The following DPM2 variants were observed in gnomAD, a reference collection of about 807,000 sequenced individuals.
DPM2 encodes the protein dolichyl-phosphate mannosyltransferase subunit 2, regulatory.
DPM2 carries 8 observed loss-of-function variants against 12.1 expected under a neutral mutation model. The ratio of observed to expected loss-of-function variants is 0.66; its 90% CI spans 0.39 to 1.19. The LOEUF is 1.19. Among genes scored for constraint, DPM2 ranks in the 50% most tolerant of loss-of-function variants. The pLI, the probability that DPM2 is intolerant of heterozygous loss-of-function variation, is 0.01. For synonymous variants in DPM2, 38 were observed against 44.7 expected, an observed-to-expected ratio of 0.85 and a Z score of 0.60; for missense variants, 93 against 102.5, an observed-to-expected ratio of 0.91 and a Z score of 0.40.
rs553473071 is a variant in DPM2, at chr9:127,937,848, G to A, written c.-28C>T. 9 of 1,593,818 alleles carry A rather than the reference G, an allele frequency of 5.6e-6. No individual in the cohort carries two copies. The highest frequency in any genetic ancestry group is 1.7e-5 in the Admixed American group (1 of 58,416). ...CCCCGCGCGCTCAGCCACCCGAGCCGCAAGCCACATCCGGTTCCGGGTCCA... is the reference window on the plus strand; with the variant it reads ...CCCCGCGCGCTCAGCCACCCGAGCCACAAGCCACATCCGGTTCCGGGTCCA... On this transcript the variant is annotated 5_prime_UTR_variant, in exon 1 of 4. Transcript: ENST00000314392.
chr9:127,937,278 CG>C (rs934912235), intron 2 of DPM2, 155 bp downstream of exon 2: 1 of 573,436 alleles, frequency 1.7e-6, no homozygotes, highest in African/African-American at 1.9e-5. Flanking sequence ...CTATAAAATG[CG>C]GTACCACTGG....
intron 3 of DPM2, chr9:127,936,005 G>A (rs371591552): frequency 8.3e-6 from 5 of 600,770 alleles, no homozygotes; most frequent in Admixed American, 6.0e-5. Flanking sequence ...GCTGCATTTA[G>A]TGTTTCAGAT....
intron 2 of DPM2, chr9:127,937,152 C>G: frequency 2.8e-6 from 1 of 354,368 alleles, no homozygotes; most frequent in South Asian, 8.7e-5. Flanking sequence ...CAGGCTAACC[C>G]AGAAGGAACA....
chr9:127,937,780 C>A, intron 1 of DPM2, 38 bp downstream of exon 1: 3 of 1,611,632 alleles, frequency 1.9e-6, no homozygotes, highest in Non-Finnish European at 2.5e-6. Context: ...ACCCCACCCC[C>A]AGACGCCCCT....
In DPM2 at chr9:127,935,711, C is replaced by T; in HGVS notation, c.*11G>A. On this transcript the variant is annotated 3_prime_UTR_variant, in exon 4 of 4. Transcript: ENST00000314392. ...AGAGAAGGGGCTGGCAGCCTCATCC[C>T]TGCGGGACCTTCACTGAGCCTTCTT... is the stretch of plus-strand genomic sequence containing the variant. 6.2e-7 allele frequency: 1 copy of T among 1,613,248 alleles called. No homozygotes were observed. The highest frequency in any genetic ancestry group is 8.5e-7 in the Non-Finnish European group (1 of 1,179,316).
rs543197126 is a variant in DPM2, at chr9:127,935,943, C to CTA, written c.197-165_197-164dup. On this transcript the variant is annotated intron_variant, in intron 3 of 3. Coordinates refer to ENST00000314392, the MANE Select transcript of DPM2 (RefSeq NM_003863.4). ...CCTAGTCATTCGTCAAGGCATATGT[C>CTA]TACTCACATTCACTCAACAAACACC... The CTA allele has an allele frequency of 6.9e-4, 452 of 657,168 alleles. 2 individuals are homozygous for CTA. Among genetic ancestry groups the CTA allele is most frequent in the Middle Eastern group, 2.1e-3 (8 of 3,752 alleles). 40.7% of individuals were successfully genotyped at this position (657,168 alleles called of 1,614,324 possible).
chr9:127,935,912 T>C, intron 3 of DPM2, 132 bp from the exon 4 acceptor site: 1 of 791,862 alleles, frequency 1.3e-6, no homozygotes, highest in Non-Finnish European at 2.1e-6. Context: ...GGAACCTGCT[T>C]ATCTCCCTAG....
chr9:127,937,595 C>T, intron 1 of DPM2, 72 bp from the exon 2 acceptor site: 3 of 1,370,746 alleles, frequency 2.2e-6, no homozygotes, highest in South Asian at 2.5e-5. Flanking sequence ...CGGGGCGTCG[C>T]GGCCCGATCA....
In DPM2 at chr9:127,937,430, A is replaced by G. The variant is rs1935369910; in HGVS notation, c.93+4T>C. On this transcript the variant is annotated splice_donor_region_variant and intron_variant, in intron 2 of 3. Transcript: ENST00000314392. Reference sequence around the variant, plus strand: ...GTGAGCAGCGGACGGGGAGAATGACATACCAAGAGAATCACCCAGGCGGTG... The same window carrying G: ...GTGAGCAGCGGACGGGGAGAATGACGTACCAAGAGAATCACCCAGGCGGTG... 4 of 1,611,082 alleles carry G rather than the reference A, an allele frequency of 2.5e-6. No individual in the cohort carries two copies. The highest frequency in any genetic ancestry group is 2.2e-5 in the South Asian group (2 of 90,794).
At position 127,937,764 on chromosome 9, in the gene DPM2, C is replaced by G; in HGVS notation, c.3+54G>C. On this transcript the variant is annotated intron_variant, in intron 1 of 3. Coordinates refer to ENST00000314392, the MANE Select transcript of DPM2 (RefSeq NM_003863.4). ...GCCCATGCCCCAGCTCCTGAGCAGA[C>G]CCGGGACCCCACCCCCAGACGCCCC... 6.2e-6 allele frequency: 10 copies of G among 1,608,818 alleles called. 1 individual carries two copies. In the South Asian group the frequency reaches 1.1e-4, roughly 18 times the overall value.
At position 127,935,651 on chromosome 9, in the gene DPM2, G is replaced by C. The variant is rs1323203710; in HGVS notation, c.*71C>G. 1 of 1,537,020 alleles carries C rather than the reference G, an allele frequency of 6.5e-7. No homozygotes were observed. Among genetic ancestry groups the C allele is most frequent in the African/African-American group, 1.4e-5 (1 of 73,644 alleles). ...CACTGTGCCTGGACAGGTTCTGCAG[G>C]CTCCCCCACTTGGTCCCTGTGCTGG... On this transcript the variant is annotated 3_prime_UTR_variant, in exon 4 of 4. Transcript: ENST00000314392.
Position 127,937,492 on chromosome 9 carries a change from C to T in DPM2, c.35G>A (p.Gly12Asp), listed in dbSNP as rs1224529806. 12 of 1,613,992 alleles carry T rather than the reference C, an allele frequency of 7.4e-6. No individual in the cohort carries two copies. Among genetic ancestry groups the T allele is most frequent in the Non-Finnish European group, 1.0e-5 (12 of 1,179,888 alleles). The change falls in exon 2 of 4, where the codon GGC becomes GAC. Residue 12 changes from glycine (G) to aspartate (D), a missense_variant. By Grantham distance (94) the Gly-to-Asp change is moderately conservative. Transcript: ENST00000314392. ...GATGATCAGGCTAACGGCGACGAGG[C>T]CGAGTCCCACCACCTGGTCTGTCCC... ...ATGTDQVVGL[G>D]LVAVSLIIFT...
intron 2 of DPM2, chr9:127,937,187 G>A (rs761369063): frequency 5.1e-6 from 2 of 391,134 alleles, no homozygotes; most frequent in Non-Finnish European, 9.2e-6. Context: ...GTCAAAGCAA[G>A]CCGGAAACAG....
At position 127,936,617 on chromosome 9, in the gene DPM2, G is replaced by A; in HGVS notation, c.132C>T (p.Phe44=). ...TGGCGACAGCATAGGCTCGGGGCAG[G>A]AAATACTTGTGGATGACATGCTGAC... The part of the protein sequence containing the change: ...IDSQHVIHKY[F]LPRAYAVAIP... The change falls in exon 3 of 4, where the codon TTC becomes TTT. Residue 44 remains phenylalanine, a synonymous_variant. Coordinates refer to ENST00000314392, the MANE Select transcript of DPM2 (RefSeq NM_003863.4). 1 of 1,523,424 alleles carries A rather than the reference G, an allele frequency of 6.6e-7. No individual in the cohort carries two copies. The highest frequency in any genetic ancestry group is 8.8e-7 in the Non-Finnish European group (1 of 1,133,812). 94.4% of individuals were successfully genotyped at this position (1,523,424 alleles called of 1,614,324 possible).
intron 2 of DPM2, 167 bp downstream of exon 2, chr9:127,937,267 T>C: frequency 1.8e-6 from 1 of 557,956 alleles, no homozygotes. Flanking sequence ...AGCTATCTCA[T>C]CTATAAAATG....
chr9:127,936,472 C>T (rs1340134839), intron 3 of DPM2, 81 bp downstream of exon 3: 12 of 1,610,390 alleles, frequency 7.5e-6, no homozygotes, highest in South Asian at 2.2e-5. Flanking sequence ...CTTCCAGCAC[C>T]GCCAAAGTGT....
At chr9:127,936,502 G>T in intron 3 of DPM2, 51 bp downstream of exon 3, 2 of 1,605,996 alleles carry the variant, frequency 1.2e-6, no homozygotes, top group Non-Finnish European at 1.7e-6. Context: ...TTCAGAGGTG[G>T]GGTCTTCCCG....
chr9:127,936,441 G>C (rs149334843), intron 3 of DPM2, 112 bp downstream of exon 3: 1 of 1,608,786 alleles, frequency 6.2e-7, no homozygotes, highest in Non-Finnish European at 8.5e-7. Flanking sequence ...AAAACCCCAC[G>C]GGTGAGTTCG....
chr9:127,935,458 T>A lies in DPM2; in HGVS notation c.*264A>T. ...GTGGCAGGGAGTCTGAGAGTGAGGTTGGGAGGACCAGCATCTTTTAGGCCC... is the reference window on the plus strand; with the variant it reads ...GTGGCAGGGAGTCTGAGAGTGAGGTAGGGAGGACCAGCATCTTTTAGGCCC... On this transcript the variant is annotated 3_prime_UTR_variant, in exon 4 of 4. Transcript: ENST00000314392. The A allele has an allele frequency of 1.8e-6, 1 of 546,264 alleles. No homozygotes were observed. Among genetic ancestry groups the A allele is most frequent in the South Asian group, 2.2e-5 (1 of 45,918 alleles). The allele number at this position is 546,264 out of a possible 1,614,324, so 33.8% of individuals were successfully genotyped here. A position where few individuals can be genotyped will look rare whatever the true frequency, so the allele number is the denominator to read the frequency against.
Sources: allele counts gnomAD v4.1 joint callset, GRCh38; gene constraint gnomAD v4.1.1; transcripts MANE v1.5; gene names NCBI Gene and HGNC (gene_info 2026-07-23, HGNC 2026-07-21).